SFI1: variants seen among roughly 807,000 people sequenced by gnomAD.
SFI1 encodes the protein protein SFI1 homolog.
In SFI1, 195 loss-of-function variants were observed where a neutral mutation model predicts 207.5. That is an observed-to-expected ratio of 0.94 (90% CI 0.84 to 1.06). The LOEUF is 1.06. Ranked by LOEUF, SFI1 falls within the 50% of genes least tolerant of loss-of-function variation. The pLI is 0.00. For synonymous variants in SFI1, 630 were observed against 598.9 expected (o/e 1.05, Z -0.76); for missense variants, 1,634 against 1,588.0 (o/e 1.03, Z -0.49).
chr22:31,606,257 T>C (rs973968645), intron 20 of SFI1, 71 bp from the exon 21 acceptor site: 6 of 1,378,720 alleles, frequency 4.4e-6, no homozygotes, highest in African/African-American at 4.3e-5. Context: ...GAAGTAGGAA[T>C]GATTCACAGA....
At position 31,508,334 on chromosome 22, in the gene SFI1, A is replaced by C; in HGVS notation, c.50A>C (p.Gln17Pro). 1 of 1,613,542 alleles carries C rather than the reference A, an allele frequency of 6.2e-7. No individual in the cohort carries two copies. Among genetic ancestry groups the C allele is most frequent in the Non-Finnish European group, 8.5e-7 (1 of 1,179,696 alleles). Residue 17 changes from glutamine (Q) to proline (P), a missense_variant, in exon 2 of 33, where the codon CAA (glutamine) becomes CCA (proline). By Grantham distance (76) the Gln-to-Pro change is moderately conservative. Coordinates refer to ENST00000400288, the MANE Select transcript of SFI1 (RefSeq NM_001007467.3). The part of the protein sequence containing the change: ...EKCISSHNFH[Q>P]KVIKQRMEKK... ...TGTATATCAAGCCACAATTTCCATC[A>C]AAAAGTGATTAAGCAGAGAATGGAG... is the stretch of plus-strand genomic sequence containing the variant.
chr22:31,601,628 C>A (rs1477389762), intron 15 of SFI1, among the ~76,000 whole-genome samples: 2 of 152,208 alleles, frequency 1.3e-5, no homozygotes, highest in East Asian at 3.9e-4. Context: ...TTAATGAAGA[C>A]CTGGGGTCTC....
At position 31,613,083 on chromosome 22, in the gene SFI1, G is replaced by A. The variant is rs900705369; in HGVS notation, c.2491-59G>A. The A allele has an allele frequency of 3.2e-6, 5 of 1,571,964 alleles. No homozygotes were observed. The African/African-American group carries it at 5.4e-5, about 17-fold the overall frequency. ...AGGGACGAGCTGGGCAGGGCCCCGT[G>A]ATCACCACGGCCTCCTTGAAGGGGC... On this transcript the variant is annotated intron_variant, in intron 24 of 32. Coordinates refer to ENST00000400288, the MANE Select transcript of SFI1 (RefSeq NM_001007467.3).
rs533047839 is a variant in SFI1, at chr22:31,524,134, G to A, written c.93-4556G>A. 3.8e-3 allele frequency among the ~76,000 whole-genome samples: 573 copies of A among 152,008 alleles called. 2 individuals are homozygous for A. The highest frequency in any genetic ancestry group is 0.017 in the Middle Eastern group (5 of 294). ...GAAGAATTGCTTGAACCCAGGAGGC[G>A]GAGGTTGCAGTGAGCCGAGATGGCG... is the stretch of plus-strand genomic sequence containing the variant. On this transcript the variant is annotated intron_variant, in intron 2 of 32. Transcript: ENST00000400288.
intron 31 of SFI1, 108 bp downstream of exon 31, chr22:31,617,186 G>C: frequency 8.4e-7 from 1 of 1,195,986 alleles, no homozygotes; most frequent in Non-Finnish European, 1.2e-6. Context: ...GGTCCTGTAG[G>C]TGGTCTCGGT....
rs909601574 is a variant in SFI1, at chr22:31,580,205, C to G, written c.1156-67C>G. On this transcript the variant is annotated intron_variant, in intron 11 of 32. Coordinates refer to ENST00000400288, the MANE Select transcript of SFI1 (RefSeq NM_001007467.3). ...GATTTGAGGCACTGTTTGCCTTCCT[C>G]TACTCTTAGTTTACAGACTCTACTG... The G allele has an allele frequency of 2.3e-6, 3 of 1,296,490 alleles. No homozygotes were observed. The East Asian group carries it at 7.2e-5, about 31-fold the overall frequency. 80.3% of individuals were successfully genotyped at this position (1,296,490 alleles called of 1,614,324 possible). A position where few individuals can be genotyped will look rare whatever the true frequency, so the allele number is the denominator to read the frequency against.
chr22:31,596,629 A>G (rs2067152868), intron 15 of SFI1, among the ~76,000 whole-genome samples: 1 of 151,970 alleles, frequency 6.6e-6, no homozygotes, highest in Non-Finnish European at 1.5e-5. Flanking sequence ...CATCTCTACT[A>G]AAAATACAAA....
In SFI1 at chr22:31,557,070, T is replaced by C; in HGVS notation, c.662+11T>C. On this transcript the variant is annotated intron_variant, in intron 7 of 32. Transcript: ENST00000400288. The stretch of plus-strand genomic sequence containing the variant: ...ACGGATTATCTTACGGTGAGTCTGC[T>C]CAACTGCCCTACAAAGTACCAGCCA... 6.5e-7 allele frequency: 1 copy of C among 1,537,718 alleles called. No individual in the cohort carries two copies. Among genetic ancestry groups the C allele is most frequent in the Non-Finnish European group, 8.9e-7 (1 of 1,121,312 alleles).
intron 7 of SFI1, among the ~76,000 whole-genome samples, chr22:31,558,196 T>G (rs1417336630): frequency 6.6e-6 from 1 of 152,146 alleles, no homozygotes; most frequent in Non-Finnish European, 1.5e-5. Context: ...TTTAACAGTG[T>G]CCAGAAAATC....
intron 13 of SFI1, among the ~76,000 whole-genome samples, chr22:31,584,477 A>G (rs764250035): frequency 8.4e-4 from 128 of 152,306 alleles, no homozygotes; most frequent in Non-Finnish European, 1.2e-3. Context: ...TAAGAGTAAG[A>G]TCTTACTCCT....
At chr22:31,542,034 G>C (rs1405580937) in intron 4 of SFI1, among the ~76,000 whole-genome samples, 1 of 150,076 alleles carries the variant, frequency 6.7e-6, no homozygotes, top group Non-Finnish European at 1.5e-5. Flanking sequence ...CTGGGAGGCG[G>C]AGCTTGCAGT....
At chr22:31,571,789 A>G (rs5749304) in intron 8 of SFI1, among the ~76,000 whole-genome samples, 101,847 of 152,052 alleles carry the variant, frequency 0.67, 34,597 homozygotes, top group Non-Finnish European at 0.73. Flanking sequence ...GAAATTTAAT[A>G]TTGATATAAT....
In SFI1 at chr22:31,550,055, C is replaced by T. The variant is rs751340919; in HGVS notation, c.450-199C>T. ...CAAGTGATTCTCCTGCCTCAGCCTC[C>T]GGAGTAGGTGGGATTATAGACGTGT... On this transcript the variant is annotated intron_variant, in intron 5 of 32. Transcript: ENST00000400288. Among the ~76,000 whole-genome samples, 4 of 151,930 alleles carry T rather than the reference C, an allele frequency of 2.6e-5. No individual in the cohort carries two copies. In the South Asian group the frequency reaches 6.2e-4, roughly 24 times the overall value.
intron 22 of SFI1, among the ~76,000 whole-genome samples, chr22:31,609,381 G>A (rs985051003): frequency 1.3e-5 from 2 of 152,168 alleles, no homozygotes; most frequent in South Asian, 4.1e-4. Context: ...GCACAGACAC[G>A]CGGCAGACCC....
intron 15 of SFI1, among the ~76,000 whole-genome samples, chr22:31,596,702 T>A (rs2146779516): frequency 6.7e-6 from 1 of 149,540 alleles, no homozygotes; most frequent in Non-Finnish European, 1.5e-5. Context: ...GAGAATCGCT[T>A]GAACCTAGGA....
At chr22:31,612,495 TC>T (rs1483217521) in intron 24 of SFI1, 2 of 146,198 alleles carry the variant, frequency 1.4e-5, no homozygotes, top group African/African-American at 5.1e-5. Flanking sequence ...GGCAGGAGGA[TC>T]ACTTGAGCCC....
In SFI1 at chr22:31,606,412, A is replaced by T; in HGVS notation, c.2139A>T (p.Arg713Ser). ...KKTFQASTHY[R>S]RTICSKVLVQ... is the part of the protein sequence containing the mutation. ...CCTTTCAAGCAAGTACTCATTACAG[A>T]AGGACCATATGTTCCAAGGTGAGGT... Residue 713 changes from arginine to serine, a missense_variant, in exon 21 of 33, where the codon AGA (arginine) becomes AGT (serine). By Grantham distance (110) the Arg-to-Ser change is moderately radical. Coordinates refer to ENST00000400288, the MANE Select transcript of SFI1 (RefSeq NM_001007467.3). The T allele has an allele frequency of 6.2e-7, 1 of 1,613,824 alleles. No homozygotes were observed. The highest frequency in any genetic ancestry group is 8.5e-7 in the Non-Finnish European group (1 of 1,180,000).
chr22:31,567,354 A>G (rs2062426073), intron 8 of SFI1, among the ~76,000 whole-genome samples: 1 of 152,186 alleles, frequency 6.6e-6, no homozygotes, highest in African/African-American at 2.4e-5. Context: ...TGAGGTTATG[A>G]GGTAACAGGG....
chr22:31,552,660 T>C (rs2060728832), intron 6 of SFI1, among the ~76,000 whole-genome samples: 1 of 152,146 alleles, frequency 6.6e-6, no homozygotes, highest in African/African-American at 2.4e-5. Context: ...CTTTTTAATA[T>C]AATAATTTCT....
Sources: allele counts gnomAD v4.1 joint callset (sites outside exome capture counted in the v4.1 genomes callset), GRCh38; gene constraint gnomAD v4.1.1; transcripts MANE v1.5; gene names NCBI Gene and HGNC (gene_info 2026-07-23, HGNC 2026-07-21).